MACROD2: variants seen among roughly 807,000 people sequenced by gnomAD.
MACROD2 encodes the protein ADP-ribose glycohydrolase MACROD2.
In MACROD2, 36 loss-of-function variants were observed where a neutral mutation model predicts 70.4. That is an observed-to-expected ratio of 0.51 (90% CI 0.39 to 0.68). The LOEUF is 0.68. Among genes scored for constraint, MACROD2 ranks in the 30% least tolerant of loss-of-function variants. The probability of loss-of-function intolerance (pLI) is 0.00; values close to 1 mark genes in which losing one functional copy is unlikely to be tolerated. For synonymous variants in MACROD2, 172 were observed against 178.8 expected (o/e 0.96, Z 0.30); for missense variants, 496 against 538.4 (o/e 0.92, Z 0.78).
chr20:14,110,810 A>G (rs770102064), intron 3 of MACROD2, among the ~76,000 whole-genome samples: 3 of 152,026 alleles, frequency 2.0e-5, no homozygotes, highest in African/African-American at 4.8e-5. Context: ...AAAGCAATCT[A>G]TAGATTCAGT....
chr20:14,485,824 T>C (rs941455292), intron 3 of MACROD2, among the ~76,000 whole-genome samples: 2 of 151,562 alleles, frequency 1.3e-5, no homozygotes, highest in East Asian at 1.9e-4. Flanking sequence ...TGTATTATTT[T>C]ATATTTTATA....
At chr20:15,281,891 AC>A (rs2146089279) in intron 6 of MACROD2, among the ~76,000 whole-genome samples, 1 of 152,284 alleles carries the variant, frequency 6.6e-6, no homozygotes, top group Non-Finnish European at 1.5e-5. Context: ...TGAGGGCTCT[AC>A]CCCTGCAGCA....
chr20:14,785,345 T>A (rs923417058), intron 5 of MACROD2, among the ~76,000 whole-genome samples: 1 of 152,000 alleles, frequency 6.6e-6, no homozygotes, highest in African/African-American at 2.4e-5. Context: ...CCCATTTCTA[T>A]GTTTGCACAC....
intron 8 of MACROD2, among the ~76,000 whole-genome samples, chr20:15,505,144 C>T (rs1344442488): frequency 6.6e-6 from 1 of 152,130 alleles, no homozygotes; most frequent in Non-Finnish European, 1.5e-5. Flanking sequence ...GGATGCATTT[C>T]ACCCTTCAGA....
chr20:14,124,479 T>C (rs2054621800), intron 3 of MACROD2, among the ~76,000 whole-genome samples: 1 of 152,210 alleles, frequency 6.6e-6, no homozygotes, highest in African/African-American at 2.4e-5. Flanking sequence ...TGGATATTGT[T>C]TTATTTAAAC....
At chr20:14,017,668 G>C (rs1427084709) in intron 2 of MACROD2, among the ~76,000 whole-genome samples, 1 of 152,088 alleles carries the variant, frequency 6.6e-6, no homozygotes. Flanking sequence ...ACTTGGTCAC[G>C]TTGTGTATTC....
At chr20:14,042,786 C>T (rs955506150) in intron 2 of MACROD2, among the ~76,000 whole-genome samples, 5 of 152,156 alleles carry the variant, frequency 3.3e-5, no homozygotes, top group African/African-American at 1.2e-4. Context: ...ACGTGTGCGC[C>T]ACCGCGTGTG....
intron 13 of MACROD2, among the ~76,000 whole-genome samples, chr20:15,973,317 A>G (rs1472105055): frequency 1.3e-5 from 2 of 152,174 alleles, no homozygotes; most frequent in African/African-American, 4.8e-5. Context: ...TCAGTGGCAG[A>G]GGTTGTAAAA....
chr20:15,807,017 G>A (rs12480702), intron 8 of MACROD2, among the ~76,000 whole-genome samples: 1 of 152,146 alleles, frequency 6.6e-6, no homozygotes, highest in African/African-American at 2.4e-5. Flanking sequence ...TGGAGGAGAC[G>A]AGGATCTTTG....
intron 8 of MACROD2, among the ~76,000 whole-genome samples, chr20:15,817,418 A>G (rs1361610598): frequency 6.6e-6 from 1 of 152,192 alleles, no homozygotes. Context: ...CCACCAAAAA[A>G]TTAGTTCTTC....
intron 5 of MACROD2, among the ~76,000 whole-genome samples, chr20:14,910,062 T>C (rs1424173688): frequency 6.6e-6 from 1 of 152,220 alleles, no homozygotes; most frequent in Non-Finnish European, 1.5e-5. Context: ...ATCTCTTTTC[T>C]GTACTTGAGA....
intron 4 of MACROD2, among the ~76,000 whole-genome samples, chr20:14,608,419 A>G (rs1046727352): frequency 6.6e-6 from 1 of 152,162 alleles, no homozygotes; most frequent in Non-Finnish European, 1.5e-5. Context: ...GGGAATTGAG[A>G]AAAAGGCATT....
rs188167652 is a variant in MACROD2 at position 15,747,075 on chromosome 20, T to C, written c.646-115670T>C. ...GTTTTATGGACCATAAACAGGAGAA[T>C]GGGAAGGTTAGTAATGGAAGGTATT... On this transcript the variant is annotated intron_variant, in intron 8 of 17. Transcript: ENST00000684519. 1.4e-4 allele frequency among the ~76,000 whole-genome samples: 21 copies of C among 152,128 alleles called. No individual in the cohort carries two copies. In the East Asian group the frequency reaches 2.1e-3, roughly 15 times the overall value.
chr20:15,156,421 T>C (rs977774301), intron 5 of MACROD2, among the ~76,000 whole-genome samples: 13 of 152,324 alleles, frequency 8.5e-5, no homozygotes, highest in Admixed American at 2.0e-4. Flanking sequence ...CCACTTTTTT[T>C]CCCCCTTTGG....
chr20:14,720,457 C>A (rs1327604374), intron 5 of MACROD2, among the ~76,000 whole-genome samples: 2 of 148,438 alleles, frequency 1.3e-5, no homozygotes, highest in East Asian at 4.0e-4. Context: ...ATAGTCATTT[C>A]CTCCTTTAGT....
rs546607421 is a variant in MACROD2 at position 15,356,724 on chromosome 20, T to C, written c.541-74681T>C. Among the ~76,000 whole-genome samples, 5 of 152,270 alleles carry C rather than the reference T, an allele frequency of 3.3e-5. No homozygotes were observed. In the South Asian group the frequency reaches 6.2e-4, roughly 19 times the overall value. Reference sequence around the variant, plus strand: ...ACTTGAACCTGGGAGGCAGAGATTGTAGTGAGCTGCGACTGCACCACTGCA... The same window carrying C: ...ACTTGAACCTGGGAGGCAGAGATTGCAGTGAGCTGCGACTGCACCACTGCA... On this transcript the variant is annotated intron_variant, in intron 6 of 17. Transcript: ENST00000684519.
chr20:14,670,124 T>C (rs1247523843), intron 4 of MACROD2, among the ~76,000 whole-genome samples: 1 of 151,998 alleles, frequency 6.6e-6, no homozygotes, highest in East Asian at 1.9e-4. Context: ...ATACCAGAGA[T>C]GTCTTCAATT....
chr20:14,993,596 A>G (rs1229729537), intron 5 of MACROD2, among the ~76,000 whole-genome samples: 3 of 152,164 alleles, frequency 2.0e-5, no homozygotes, highest in Admixed American at 2.0e-4. Flanking sequence ...TCACAGATTT[A>G]CTGTCATGCT....
At chr20:15,938,620 C>A (rs2065703002) in intron 12 of MACROD2, among the ~76,000 whole-genome samples, 1 of 152,040 alleles carries the variant, frequency 6.6e-6, no homozygotes, top group Non-Finnish European at 1.5e-5. Context: ...CTCCCTATCC[C>A]TAAAACACAA....
Sources: allele counts gnomAD v4.1 joint callset (sites outside exome capture counted in the v4.1 genomes callset), GRCh38; gene constraint gnomAD v4.1.1; transcripts MANE v1.5; gene names NCBI Gene and HGNC (gene_info 2026-07-23, HGNC 2026-07-21).